Variants in DLG2 observed in about 807,000 individuals in gnomAD.
The protein encoded by DLG2 is disks large homolog 2.
In DLG2, 45 loss-of-function variants were observed where a neutral mutation model predicts 132.5. That is an observed-to-expected ratio of 0.34 (90% CI 0.27 to 0.44). The LOEUF (loss-of-function observed/expected upper bound fraction) is 0.44. DLG2 is among the 20% of genes least tolerant of loss of function. The pLI, the probability that DLG2 is intolerant of heterozygous loss-of-function variation, is 1.00. For missense variants in DLG2, 1,045 were observed against 1,196.9 expected (o/e 0.87, Z 1.87); for synonymous variants, 424 against 419.6 (o/e 1.01, Z -0.13).
chr11:85,464,567 T>A (rs1329155252), intron 3 of DLG2, among the ~76,000 whole-genome samples: 1 of 151,902 alleles, frequency 6.6e-6, no homozygotes, highest in Non-Finnish European at 1.5e-5. Flanking sequence ...AAAAAAACAA[T>A]CTTAGGTACT....
intron 8 of DLG2, among the ~76,000 whole-genome samples, chr11:84,226,346 T>C (rs1398369041): frequency 2.0e-5 from 3 of 152,232 alleles, no homozygotes; most frequent in Non-Finnish European, 4.4e-5. Context: ...TCTGCCAGCA[T>C]GTCTAACCAC....
At chr11:84,299,620 C>T (rs2098130459) in intron 7 of DLG2, among the ~76,000 whole-genome samples, 1 of 152,056 alleles carries the variant, frequency 6.6e-6, no homozygotes, top group Admixed American at 6.6e-5. Flanking sequence ...AGACTGAAGG[C>T]TCTGAGTGAA....
At chr11:84,959,809 G>C (rs2052271641) in intron 6 of DLG2, among the ~76,000 whole-genome samples, 1 of 152,104 alleles carries the variant, frequency 6.6e-6, no homozygotes, top group South Asian at 2.1e-4. Flanking sequence ...TGTGTATATA[G>C]AAAGATATGA....
At chr11:85,018,564 T>A (rs529099098) in intron 6 of DLG2, among the ~76,000 whole-genome samples, 1 of 152,164 alleles carries the variant, frequency 6.6e-6, no homozygotes, top group South Asian at 2.1e-4. Flanking sequence ...GGATCTCACA[T>A]GGGAAAGTTC....
intron 3 of DLG2, among the ~76,000 whole-genome samples, chr11:85,392,323 G>A (rs1467163523): frequency 6.6e-6 from 1 of 151,764 alleles, no homozygotes; most frequent in Non-Finnish European, 1.5e-5. Flanking sequence ...CCATGCTTAA[G>A]GATGGGTAGA....
At chr11:85,365,323 T>C (rs1009731247) in intron 3 of DLG2, among the ~76,000 whole-genome samples, 2 of 152,204 alleles carry the variant, frequency 1.3e-5, no homozygotes, top group Non-Finnish European at 2.9e-5. Context: ...TTTATGAGTC[T>C]GATATTTAAA....
chr11:84,425,935 G>T (rs1237356878), intron 7 of DLG2, among the ~76,000 whole-genome samples: 1 of 152,094 alleles, frequency 6.6e-6, no homozygotes, highest in African/African-American at 2.4e-5. Flanking sequence ...TTTTCCAAAT[G>T]CCATCCTGTT....
At chr11:85,200,985 A>G (rs2081415505) in intron 4 of DLG2, among the ~76,000 whole-genome samples, 1 of 151,854 alleles carries the variant, frequency 6.6e-6, no homozygotes, top group African/African-American at 2.4e-5. Context: ...TGGGAGACTC[A>G]TGCTCCTCAT....
intron 19 of DLG2, among the ~76,000 whole-genome samples, chr11:83,557,963 CAGTT>C (rs1031599818): frequency 6.6e-6 from 1 of 152,082 alleles, no homozygotes; most frequent in Non-Finnish European, 1.5e-5. Context: ...TTTATTTAAT[CAGTT>C]AGAGAAGATG....
chr11:84,664,975 G>C lies in DLG2; in HGVS notation c.358-130244C>G, dbSNP rs112253152. Among the ~76,000 whole-genome samples the C allele has an allele frequency of 7.1e-3, 1,065 of 150,710 alleles. 9 individuals are homozygous for C. Among genetic ancestry groups the C allele is most frequent in the African/African-American group, 0.024 (999 of 41,102 alleles). On this transcript the variant is annotated intron_variant, in intron 6 of 27. Coordinates refer to ENST00000376104, the MANE Select transcript of DLG2 (RefSeq NM_001142699.3). ...GTAGGTATGACATATTTTTTTTTTCGTGAAAGTAGGAGAAGTACCATGAGT... is the reference window on the plus strand; with the variant it reads ...GTAGGTATGACATATTTTTTTTTTCCTGAAAGTAGGAGAAGTACCATGAGT...
intron 6 of DLG2, among the ~76,000 whole-genome samples, chr11:84,927,444 T>C (rs1395342391): frequency 1.3e-5 from 2 of 152,016 alleles, no homozygotes; most frequent in Non-Finnish European, 1.5e-5. Flanking sequence ...GGAATCAGTA[T>C]TCTATAGAGC....
chr11:84,999,803 A>G (rs1340402353), intron 6 of DLG2, among the ~76,000 whole-genome samples: 2 of 152,152 alleles, frequency 1.3e-5, no homozygotes, highest in Admixed American at 1.3e-4. Context: ...CTATAAAAAG[A>G]AAACTCTTGC....
chr11:84,792,962 G>C (rs1305663806), intron 6 of DLG2, among the ~76,000 whole-genome samples: 2 of 151,796 alleles, frequency 1.3e-5, no homozygotes, highest in Non-Finnish European at 1.5e-5. Context: ...CTAATTTTGG[G>C]TTTGGTCTGC....
intron 3 of DLG2, among the ~76,000 whole-genome samples, chr11:85,482,233 C>T (rs1427505563): frequency 2.6e-5 from 4 of 152,148 alleles, no homozygotes; most frequent in African/African-American, 9.7e-5. Flanking sequence ...CCAGGAAGAC[C>T]TCTGTGAATA....
intron 6 of DLG2, among the ~76,000 whole-genome samples, chr11:84,746,404 C>T (rs902352021): frequency 2.0e-5 from 3 of 150,830 alleles, no homozygotes; most frequent in Admixed American, 6.6e-5. Flanking sequence ...GAACTTAACT[C>T]TGTTCTTGGT....
rs116085151 is a variant in DLG2 at position 83,467,276 on chromosome 11, C to T, written c.2620-459G>A. On this transcript the variant is annotated intron_variant, in intron 25 of 27. Transcript: ENST00000376104. Reference sequence around the variant, plus strand: ...TAGTTTAGTGCTAGGAGCATGCAAACCCAAGTCTGGAGCACTAACAGAATT... The same window carrying T: ...TAGTTTAGTGCTAGGAGCATGCAAATCCAAGTCTGGAGCACTAACAGAATT... Among the ~76,000 whole-genome samples the T allele has an allele frequency of 7.9e-3, 1,201 of 152,236 alleles. 13 individuals carry two copies. The highest frequency in any genetic ancestry group is 0.028 in the African/African-American group (1,148 of 41,538).
At chr11:84,911,812 A>G (rs546443585) in intron 6 of DLG2, among the ~76,000 whole-genome samples, 1 of 152,334 alleles carries the variant, frequency 6.6e-6, no homozygotes, top group South Asian at 2.1e-4. Flanking sequence ...CAAAGAAACA[A>G]TTAATGCAAA....
intron 6 of DLG2, among the ~76,000 whole-genome samples, chr11:84,551,061 C>G (rs749846149): frequency 6.6e-6 from 1 of 152,048 alleles, no homozygotes; most frequent in Non-Finnish European, 1.5e-5. Context: ...TAGAGCACCT[C>G]ATAATGAGCT....
intron 21 of DLG2, among the ~76,000 whole-genome samples, chr11:83,525,804 T>G (rs1175828081): frequency 6.6e-6 from 1 of 152,180 alleles, no homozygotes; most frequent in South Asian, 2.1e-4. Context: ...ATGACATTTC[T>G]TTTGTCAAAA....
Sources: allele counts gnomAD v4.1 joint callset (sites outside exome capture counted in the v4.1 genomes callset), GRCh38; gene constraint gnomAD v4.1.1; transcripts MANE v1.5; gene names NCBI Gene and HGNC (gene_info 2026-07-23, HGNC 2026-07-21).